Variants in MAPRE1 observed in about 807,000 individuals in gnomAD.
MAPRE1 encodes the protein microtubule-associated protein RP/EB family member 1.
Under a neutral mutation model 32.1 loss-of-function variants are expected in MAPRE1, and 5 were observed. The ratio of observed to expected loss-of-function variants is 0.16; its 90% CI spans 0.08 to 0.33. The LOEUF (loss-of-function observed/expected upper bound fraction) is 0.33. Ranked by LOEUF, MAPRE1 falls within the 10% of genes least tolerant of loss-of-function variation. The pLI is 1.00. For missense variants in MAPRE1, 209 were observed against 327.2 expected, an observed-to-expected ratio of 0.64 and a Z score of 2.79; for synonymous variants, 122 against 118.9, an observed-to-expected ratio of 1.03 and a Z score of -0.17.
intron 3 of MAPRE1, among the ~76,000 whole-genome samples, chr20:32,835,898 G>C (rs574065365): frequency 6.6e-6 from 1 of 151,940 alleles, no homozygotes; most frequent in African/African-American, 2.4e-5. Flanking sequence ...GAGCCACCAC[G>C]CCCGGCCCAG....
At chr20:32,820,291 G>C (rs1181374766) in intron 1 of MAPRE1, among the ~76,000 whole-genome samples, 2 of 152,120 alleles carry the variant, frequency 1.3e-5, no homozygotes, top group Non-Finnish European at 2.9e-5. Context: ...CTGGGCCGCC[G>C]CTGAGGTGTG....
intron 4 of MAPRE1, among the ~76,000 whole-genome samples, chr20:32,839,369 C>A (rs1369624541): frequency 2.0e-5 from 3 of 152,178 alleles, no homozygotes; most frequent in Non-Finnish European, 2.9e-5. Flanking sequence ...CAACATGAAA[C>A]AACCTGTTTG....
chr20:32,825,630 A>C (rs1195824248), intron 1 of MAPRE1, among the ~76,000 whole-genome samples: 1 of 152,016 alleles, frequency 6.6e-6, no homozygotes, highest in East Asian at 1.9e-4. Context: ...CCCCATCTCT[A>C]CTAAAAATAC....
intron 1 of MAPRE1, among the ~76,000 whole-genome samples, chr20:32,822,996 G>A (rs1385266279): frequency 6.6e-6 from 1 of 152,200 alleles, no homozygotes; most frequent in East Asian, 1.9e-4. Context: ...CAGTGTTGAT[G>A]ATTTGCTTTC....
chr20:32,830,702 C>G (rs1982992085), intron 2 of MAPRE1, among the ~76,000 whole-genome samples: 1 of 151,822 alleles, frequency 6.6e-6, no homozygotes, highest in South Asian at 2.1e-4. Context: ...CTGGTTTTAT[C>G]AAGTCACATT....
chr20:32,847,106 G>A (rs1983524472), intron 6 of MAPRE1, among the ~76,000 whole-genome samples: 1 of 152,170 alleles, frequency 6.6e-6, no homozygotes, highest in African/African-American at 2.4e-5. Context: ...CTCAGCTTCA[G>A]TTGCTGCCTC....
intron 3 of MAPRE1, among the ~76,000 whole-genome samples, chr20:32,835,462 GGGCA>G (rs1983171663): frequency 6.7e-6 from 1 of 148,784 alleles, no homozygotes; most frequent in Non-Finnish European, 1.5e-5. Flanking sequence ...GATTGCAGGT[GGGCA>G]GCCCTGCCCC....
intron 6 of MAPRE1, among the ~76,000 whole-genome samples, chr20:32,847,503 T>C (rs547018785): frequency 6.6e-6 from 1 of 152,394 alleles, no homozygotes; most frequent in East Asian, 1.9e-4. Flanking sequence ...AATAATGCTG[T>C]TACTGTCACT....
Position 32,829,950 on chromosome 20 carries a change from G to T in MAPRE1, c.122-3767G>T, listed in dbSNP as rs147174217. 1.8e-3 allele frequency among the ~76,000 whole-genome samples: 272 copies of T among 152,068 alleles called. 1 individual carries two copies. Among genetic ancestry groups the T allele is most frequent in the African/African-American group, 6.0e-3 (249 of 41,546 alleles). Reference sequence around the variant, plus strand: ...GAGGAAAAACCTGGTCAAAGAGAATGATTTTTATGAGAGCTTTTTTTTGTC... The same window carrying T: ...GAGGAAAAACCTGGTCAAAGAGAATTATTTTTATGAGAGCTTTTTTTTGTC... On this transcript the variant is annotated intron_variant, in intron 2 of 6. Transcript: ENST00000375571.
At chr20:32,828,360 C>T (rs1467840735) in intron 2 of MAPRE1, among the ~76,000 whole-genome samples, 2 of 152,146 alleles carry the variant, frequency 1.3e-5, no homozygotes, top group African/African-American at 4.8e-5. Context: ...TAAAATTTAC[C>T]TTTTTCTGTA....
intron 5 of MAPRE1, among the ~76,000 whole-genome samples, chr20:32,843,658 C>T (rs1983424117): frequency 6.6e-6 from 1 of 152,138 alleles, no homozygotes; most frequent in Non-Finnish European, 1.5e-5. Context: ...TCTTTGAAAT[C>T]AGGTGTGTAT....
chr20:32,820,391 G>A (rs1217652480), intron 1 of MAPRE1, among the ~76,000 whole-genome samples: 1 of 152,094 alleles, frequency 6.6e-6, no homozygotes, highest in Non-Finnish European at 1.5e-5. Context: ...CTCTGGGGAC[G>A]CACATTGTGG....
chr20:32,836,852 A>C lies in MAPRE1; in HGVS notation c.475+11A>C, dbSNP rs756277672. The C allele has an allele frequency of 8.9e-6, 14 of 1,578,356 alleles. No homozygotes were observed. The South Asian group carries it at 1.5e-4, about 17-fold the overall frequency. ...CTTCTAGCAGTGCAGGTAAAAAAACAACCCCAAAACGTTTCCAAAAAATAG... is the reference window on the plus strand; with the variant it reads ...CTTCTAGCAGTGCAGGTAAAAAAACCACCCCAAAACGTTTCCAAAAAATAG... On this transcript the variant is annotated intron_variant, in intron 4 of 6. Coordinates refer to ENST00000375571, the MANE Select transcript of MAPRE1 (RefSeq NM_012325.3).
intron 6 of MAPRE1, 77 bp from the exon 7 acceptor site, chr20:32,848,595 C>T: frequency 9.1e-7 from 1 of 1,095,028 alleles, no homozygotes; most frequent in Non-Finnish European, 1.4e-6. Flanking sequence ...TTTTAAGAGG[C>T]TGTAAGTATG....
At chr20:32,831,192 C>G (rs1434128164) in intron 2 of MAPRE1, among the ~76,000 whole-genome samples, 2 of 151,836 alleles carry the variant, frequency 1.3e-5, no homozygotes, top group East Asian at 1.9e-4. Context: ...TGCCTGTAAT[C>G]CAGCACTTTG....
chr20:32,845,021 ATGTATGTATGT>A (rs1321342807), intron 5 of MAPRE1, among the ~76,000 whole-genome samples: 50 of 151,894 alleles, frequency 3.3e-4, no homozygotes, highest in Non-Finnish European at 6.3e-4. Context: ...GTATGTATGT[ATGTATGTATGT>A]ATGAATGAAT....
intron 5 of MAPRE1, among the ~76,000 whole-genome samples, chr20:32,845,755 C>T (rs939543338): frequency 2.6e-5 from 4 of 152,104 alleles, no homozygotes; most frequent in East Asian, 1.9e-4. Context: ...GTAGCTGAGA[C>T]GCGTGCGCCA....
chr20:32,823,027 A>G (rs1341833514), intron 1 of MAPRE1, among the ~76,000 whole-genome samples: 1 of 152,150 alleles, frequency 6.6e-6, no homozygotes, highest in Non-Finnish European at 1.5e-5. Context: ...ATATAGACAC[A>G]TTTTTCTCTC....
chr20:32,831,681 C>T (rs922963609), intron 2 of MAPRE1, among the ~76,000 whole-genome samples: 1 of 151,648 alleles, frequency 6.6e-6, no homozygotes. Context: ...TACAGGCATA[C>T]GCCACCACGC....
Sources: gnomAD v4.1 joint callset for allele counts (sites outside exome capture counted in the v4.1 genomes callset) on GRCh38, gnomAD v4.1.1 for gene constraint, MANE v1.5 for transcripts, NCBI Gene and HGNC (gene_info 2026-07-23, HGNC 2026-07-21) for gene names.